Variants in PLAC9 observed in about 807,000 individuals in gnomAD.
PLAC9 encodes placenta-specific protein 9.
A neutral mutation model predicts 11.5 loss-of-function variants in PLAC9; 12 were observed. That is an observed-to-expected ratio of 1.05 (90% CI 0.67 to 1.69). PLAC9 has a LOEUF of 1.69. Among genes scored for constraint, PLAC9 ranks in the 40% most tolerant of loss-of-function variants. The pLI is 0.00. For missense variants in PLAC9, 132 were observed against 130.5 expected (o/e 1.01, Z -0.06); for synonymous variants, 62 against 58.1 (o/e 1.07, Z -0.31).
chr10:80,142,459 C>T (rs756351817), intron 2 of PLAC9, among the ~76,000 whole-genome samples: 1 of 152,106 alleles, frequency 6.6e-6, no homozygotes, highest in Non-Finnish European at 1.5e-5. Context: ...TATATAGCCA[C>T]GATTCCTAAC....
chr10:80,144,306 C>T lies in PLAC9; in HGVS notation c.246C>T (p.Pro82=). ...TGGAGGAGCTGGCCTGGAACCTGCC[C>T]CCGGGACCCTTCAGCCCCGCTCCCG... ...GLLEELAWNL[P]PGPFSPAPDL... The change falls in exon 3 of 4, where the codon CCC becomes CCT. Residue 82 remains proline, a synonymous_variant. Coordinates refer to ENST00000372263, the MANE Select transcript of PLAC9 (RefSeq NM_001012973.3). The T allele has an allele frequency of 1.9e-6, 3 of 1,612,304 alleles. No individual in the cohort carries two copies. Among genetic ancestry groups the T allele is most frequent in the Non-Finnish European group, 2.5e-6 (3 of 1,179,936 alleles).
intron 1 of PLAC9, among the ~76,000 whole-genome samples, chr10:80,141,379 AC>A (rs1327010277): frequency 1.3e-5 from 2 of 152,036 alleles, no homozygotes; most frequent in Non-Finnish European, 2.9e-5. Context: ...CGGGTGGATC[AC>A]CTGAGGTCAG....
chr10:80,137,259 C>A (rs1288518344), intron 1 of PLAC9, among the ~76,000 whole-genome samples: 1 of 152,216 alleles, frequency 6.6e-6, no homozygotes, highest in African/African-American at 2.4e-5. Context: ...CCAAGTTAGA[C>A]CTCATCACAG....
intron 2 of PLAC9, among the ~76,000 whole-genome samples, chr10:80,142,492 C>A (rs1845051922): frequency 1.3e-5 from 2 of 152,162 alleles, no homozygotes; most frequent in Non-Finnish European, 2.9e-5. Flanking sequence ...AAGTTTACAT[C>A]TTTATTGTCA....
intron 1 of PLAC9, among the ~76,000 whole-genome samples, chr10:80,138,158 A>T (rs1322506842): frequency 6.6e-6 from 1 of 152,182 alleles, no homozygotes. Flanking sequence ...AGTAGACAGA[A>T]TCGCTGAATG....
At chr10:80,132,631 C>T, upstream of PLAC9, 1 of 691,776 alleles carries the variant, frequency 1.4e-6, no homozygotes, top group Non-Finnish European at 2.2e-6. Context: ...CGGGTTCTCT[C>T]GAGCCAGAAA....
intron 1 of PLAC9, among the ~76,000 whole-genome samples, chr10:80,141,870 G>A (rs1845042853): frequency 1.3e-5 from 2 of 152,022 alleles, no homozygotes; most frequent in South Asian, 4.2e-4. Context: ...CCTCCTTGAG[G>A]AAGTTCATCT....
chr10:80,141,046 G>C (rs1349503815), intron 1 of PLAC9, among the ~76,000 whole-genome samples: 1 of 152,150 alleles, frequency 6.6e-6, no homozygotes, highest in Admixed American at 6.6e-5. Context: ...GGTTAAGTTA[G>C]CACCCTACAT....
rs1450073075 is a variant in PLAC9, at chr10:80,145,340, TTTG to T, written c.*439_*441del. 5.7e-5 allele frequency: 14 copies of T among 244,642 alleles called. No individual in the cohort carries two copies. In the Admixed American group the frequency reaches 6.0e-4, roughly 10 times the overall value. 15.2% of individuals were successfully genotyped at this position (244,642 alleles called of 1,614,324 possible). On this transcript the variant is annotated 3_prime_UTR_variant, in exon 4 of 4. Transcript: ENST00000372263. ...GGATTTTATGTGTCCATTAAAGTGG[TTTG>T]TTGTTGTTTTTAAAAATTTTTCCTA...
intron 3 of PLAC9, 129 bp downstream of exon 3, chr10:80,144,472 G>C (rs1009446139): frequency 2.3e-6 from 3 of 1,306,106 alleles, no homozygotes; most frequent in Non-Finnish European, 3.0e-6. Context: ...AGCGCTCCCT[G>C]GGGACGGAAG....
intron 1 of PLAC9, among the ~76,000 whole-genome samples, chr10:80,133,686 C>T (rs960837484): frequency 1.3e-5 from 2 of 152,042 alleles, no homozygotes; most frequent in African/African-American, 4.8e-5. Flanking sequence ...TTTCACTGTC[C>T]GCTTTCTTCC....
chr10:80,140,097 G>C (rs571566560), intron 1 of PLAC9, among the ~76,000 whole-genome samples: 2 of 151,688 alleles, frequency 1.3e-5, no homozygotes, highest in African/African-American at 4.9e-5. Context: ...GTCTTCCTTC[G>C]AGATGTGGTC....
chr10:80,141,607 C>A (rs1204608659), intron 1 of PLAC9, among the ~76,000 whole-genome samples: 1 of 152,028 alleles, frequency 6.6e-6, no homozygotes, highest in African/African-American at 2.4e-5. Context: ...TCAAAACAAA[C>A]AAACAAACAC....
chr10:80,135,774 C>A (rs1220204644), intron 1 of PLAC9, among the ~76,000 whole-genome samples: 1 of 152,104 alleles, frequency 6.6e-6, no homozygotes, highest in African/African-American at 2.4e-5. Flanking sequence ...CTGCTGCTTT[C>A]AAAAATGATC....
intron 2 of PLAC9, among the ~76,000 whole-genome samples, chr10:80,142,634 A>G (rs1238531433): frequency 6.6e-6 from 1 of 152,232 alleles, no homozygotes; most frequent in East Asian, 1.9e-4. Flanking sequence ...GAATATCTCA[A>G]CATATAATTT....
In PLAC9 at chr10:80,139,700, G is replaced by A. The variant is rs188416682; in HGVS notation, c.65-2382G>A. Among the ~76,000 whole-genome samples the A allele has an allele frequency of 5.0e-4, 76 of 152,152 alleles. 1 individual carries two copies. The highest frequency in any genetic ancestry group is 2.3e-3 in the South Asian group (11 of 4,822). On this transcript the variant is annotated intron_variant, in intron 1 of 3. Transcript: ENST00000372263. ...TCAAAAAAAAGTGGGGAGGGGGGTC[G>A]TTGATTTCCGTGGTGTAAATGTTCT...
At chr10:80,142,723 AT>A (rs1845054813) in intron 2 of PLAC9, among the ~76,000 whole-genome samples, 1 of 150,456 alleles carries the variant, frequency 6.6e-6, no homozygotes, top group Non-Finnish European at 1.5e-5. Flanking sequence ...TAATAAATAC[AT>A]TTTATTTTTT....
chr10:80,140,764 C>T (rs1274216629), intron 1 of PLAC9, among the ~76,000 whole-genome samples: 2 of 152,150 alleles, frequency 1.3e-5, no homozygotes, highest in East Asian at 3.9e-4. Flanking sequence ...AATCTCCTGA[C>T]CTCGTGCGCC....
intron 3 of PLAC9, 38 bp downstream of exon 3, chr10:80,144,381 G>T (rs1452859497): frequency 6.5e-7 from 1 of 1,546,366 alleles, no homozygotes; most frequent in Admixed American, 2.0e-5. Flanking sequence ...CCTCTGGGCG[G>T]CTGTCATCTG....
Sources: allele counts gnomAD v4.1 joint callset (sites outside exome capture counted in the v4.1 genomes callset), GRCh38; gene constraint gnomAD v4.1.1; transcripts MANE v1.5; gene names NCBI Gene and HGNC (gene_info 2026-07-23, HGNC 2026-07-21).